Variants in SERF2 observed in about 807,000 individuals in gnomAD.
The protein encoded by SERF2 is gastric cancer-related protein VRG107.
SERF2 carries 4 observed loss-of-function variants against 10.7 expected under a neutral mutation model. The observed-to-expected ratio is 0.37, with a 90% confidence interval of 0.18 to 0.86. The LOEUF (loss-of-function observed/expected upper bound fraction) is 0.86, where lower values mean the gene tolerates loss of function less well. Among genes scored for constraint, SERF2 ranks in the 40% least tolerant of loss-of-function variants. The probability of loss-of-function intolerance (pLI) is 0.43; values close to 1 mark genes in which losing one functional copy is unlikely to be tolerated. For synonymous variants in SERF2, 26 were observed against 26.0 expected, an observed-to-expected ratio of 1.00 and a Z score of 0.01; for missense variants, 47 against 79.1, an observed-to-expected ratio of 0.59 and a Z score of 1.54.
At chr15:43,779,383 G>A (rs1449828754) in intron 1 of SERF2, among the ~76,000 whole-genome samples, 1 of 152,142 alleles carries the variant, frequency 6.6e-6, no homozygotes, top group Non-Finnish European at 1.5e-5. Flanking sequence ...AAACACTAAG[G>A]ACTGATGATA....
At chr15:43,778,803 G>T (rs753332558) in intron 1 of SERF2, among the ~76,000 whole-genome samples, 2 of 151,934 alleles carry the variant, frequency 1.3e-5, no homozygotes, top group African/African-American at 4.8e-5. Context: ...TTGGGAGGCT[G>T]AGGCAGGAGA....
intron 1 of SERF2, 151 bp from the exon 2 acceptor site, chr15:43,792,824 A>G (rs1472602285): frequency 1.4e-6 from 1 of 691,946 alleles, no homozygotes; most frequent in Non-Finnish European, 2.4e-6. Flanking sequence ...ACTCCCCCCT[A>G]CCCCAAGCAG....
At chr15:43,787,912 T>C (rs1210200694), upstream of SERF2, among the ~76,000 whole-genome samples, 1 of 147,282 alleles carries the variant, frequency 6.8e-6, no homozygotes, top group African/African-American at 2.5e-5. Context: ...TCTCACTCTA[T>C]CACCCAGGCT....
At chr15:43,791,611 T>C (rs116354722), upstream of SERF2, among the ~76,000 whole-genome samples, 556 of 152,324 alleles carry the variant, frequency 3.7e-3, 4 homozygotes, top group African/African-American at 0.012. Flanking sequence ...GAAAAGCGAA[T>C]ATGTGAATTA....
At position 43,795,209 on chromosome 15, in the gene SERF2, C is replaced by G; in HGVS notation, c.*1436C>G. On this transcript the variant is annotated 3_prime_UTR_variant, in exon 3 of 3. Coordinates refer to ENST00000249786, the MANE Select transcript of SERF2 (RefSeq NM_001018108.4). ...AAGGTCTTTTCCAGTTCTGCTCCCT[C>G]ATAGCTGTGTAACCAAAGGCTCTGG... 6.2e-7 allele frequency: 1 copy of G among 1,614,086 alleles called. No homozygotes were observed. The highest frequency in any genetic ancestry group is 1.1e-5 in the South Asian group (1 of 91,072).
At chr15:43,777,125 T>G (rs1270843118) in exon 1 of SERF2, 3 of 735,382 alleles carry the variant, frequency 4.1e-6, no homozygotes, top group Non-Finnish European at 7.3e-6. Flanking sequence ...CCTCGGCGCT[T>G]TCTTCTAGGA....
rs568608987 is a variant in SERF2 at position 43,781,444 on chromosome 15, C to T, written c.-527+3942C>T. ...GTGACTAATTTTAGTCCCAGCTACT[C>T]GGGAGGAGGAGACAGGAGAATCACT... On this transcript the variant is annotated intron_variant, in intron 1 of 4. Coordinates refer to the SERF2 transcript ENST00000381359. Among the ~76,000 whole-genome samples the T allele has an allele frequency of 4.0e-5, 6 of 151,894 alleles. No individual in the cohort carries two copies. The South Asian group carries it at 6.2e-4, about 16-fold the overall frequency.
intron 1 of SERF2, among the ~76,000 whole-genome samples, chr15:43,780,385 G>A (rs940002417): frequency 1.3e-5 from 2 of 151,886 alleles, no homozygotes; most frequent in Non-Finnish European, 2.9e-5. Flanking sequence ...CTCGTGATCC[G>A]CCCACCTCGG....
chr15:43,793,326 T>G (rs1214498902), intron 2 of SERF2: 2 of 576,908 alleles, frequency 3.5e-6, no homozygotes, highest in East Asian at 5.7e-5. Context: ...GGTCTGACCT[T>G]AAGGGCAAGG....
rs908182437 is a variant in SERF2, at chr15:43,794,828, GC to G, written c.*1058del. ...GTAGCTCCAGTGAGTCAGACACTCT[GC>G]CCAGCACATTAGACTGTGTTTGACC... On this transcript the variant is annotated 3_prime_UTR_variant, in exon 3 of 3. Coordinates refer to ENST00000249786, the MANE Select transcript of SERF2 (RefSeq NM_001018108.4). The G allele has an allele frequency of 1.7e-6, 1 of 602,170 alleles. No individual in the cohort carries two copies. The highest frequency in any genetic ancestry group is 2.9e-6 in the Non-Finnish European group (1 of 341,040). The allele number at this position is 602,170 out of a possible 1,614,324, so 37.3% of individuals were successfully genotyped here.
chr15:43,793,286 T>C, intron 2 of SERF2: 2 of 570,828 alleles, frequency 3.5e-6, no homozygotes, highest in Non-Finnish European at 6.2e-6. Context: ...GGCGGGCGCC[T>C]GCCCTCAGTC....
Position 43,795,703 on chromosome 15 carries a change from C to A in SERF2, c.*1930C>A. 6.2e-7 allele frequency: 1 copy of A among 1,614,158 alleles called. No individual in the cohort carries two copies. Among genetic ancestry groups the A allele is most frequent in the Non-Finnish European group, 8.5e-7 (1 of 1,180,002 alleles). On this transcript the variant is annotated 3_prime_UTR_variant, in exon 3 of 3. Coordinates refer to ENST00000249786, the MANE Select transcript of SERF2 (RefSeq NM_001018108.4). The stretch of plus-strand genomic sequence containing the variant: ...TGGCACTCACCTTTGTCTGCCTCCA[C>A]TGTTTCAGGGCAGCAGAAACACAGT...
At chr15:43,787,873 G>GTTT (rs76113372), upstream of SERF2, among the ~76,000 whole-genome samples, 12 of 118,214 alleles carry the variant, frequency 1.0e-4, no homozygotes, top group Non-Finnish European at 1.4e-4. Flanking sequence ...TAGATTTTTA[G>GTTT]TTTTTTTTTT....
At chr15:43,784,634 A>C (rs1192179353) in intron 1 of SERF2, among the ~76,000 whole-genome samples, 1 of 151,630 alleles carries the variant, frequency 6.6e-6, no homozygotes, top group Non-Finnish European at 1.5e-5. Flanking sequence ...GCGCCCAGCT[A>C]ATTTTTTGTA....
chr15:43,794,776 C>T lies in SERF2; in HGVS notation c.*1003C>T, dbSNP rs963757034. On this transcript the variant is annotated 3_prime_UTR_variant, in exon 3 of 3. Transcript: ENST00000249786. ...TTGAGCTGCTGATTTGGGTGTTAGG[C>T]TCTTGAGCTGGGATGCAGATGTAAC... The T allele has an allele frequency of 5.9e-6, 3 of 510,018 alleles. No individual in the cohort carries two copies. The highest frequency in any genetic ancestry group is 3.1e-5 in the East Asian group (1 of 32,534). 31.6% of individuals were successfully genotyped at this position (510,018 alleles called of 1,614,324 possible).
exon 1 of SERF2, chr15:43,777,219 C>T (rs2086927699): frequency 1.8e-6 from 1 of 546,910 alleles, no homozygotes. Flanking sequence ...TGACCTCTCA[C>T]TCAGAGTCCC....
intron 1 of SERF2, among the ~76,000 whole-genome samples, chr15:43,782,905 C>T (rs924678905): frequency 1.3e-4 from 19 of 151,598 alleles, no homozygotes; most frequent in Admixed American, 8.5e-4. Context: ...AGTGCAGTGG[C>T]GTGATCTCGG....
chr15:43,792,290 T>G (rs949297230), upstream of SERF2: 1 of 1,175,556 alleles, frequency 8.5e-7, no homozygotes, highest in Non-Finnish European at 1.3e-6. Context: ...GGAACGACTG[T>G]GCTACGTTGC....
At chr15:43,787,739 C>T (rs1257442375), upstream of SERF2, among the ~76,000 whole-genome samples, 1 of 151,422 alleles carries the variant, frequency 6.6e-6, no homozygotes, top group African/African-American at 2.4e-5. Flanking sequence ...TGCTCTGTTG[C>T]CCAGGCTGGA....
Sources: allele counts gnomAD v4.1 joint callset (sites outside exome capture counted in the v4.1 genomes callset), GRCh38; gene constraint gnomAD v4.1.1; transcripts MANE v1.5; gene names NCBI Gene and HGNC (gene_info 2026-07-23, HGNC 2026-07-21).